The following KCNAB1 variants were observed in gnomAD, a reference collection of about 807,000 sequenced individuals.
KCNAB1 encodes the protein potassium voltage-gated channel subfamily A regulatory beta subunit 1, also known as voltage-gated potassium channel subunit beta-1.
In KCNAB1, 35 loss-of-function variants were observed where a neutral mutation model predicts 64.6. That is an observed-to-expected ratio of 0.54 (90% confidence interval 0.41 to 0.72). KCNAB1 has a LOEUF of 0.72. Ranked by LOEUF, KCNAB1 falls within the 30% of genes least tolerant of loss-of-function variation. The pLI, the probability that KCNAB1 is intolerant of heterozygous loss-of-function variation, is 0.00. For synonymous variants in KCNAB1, 177 were observed against 183.8 expected, an observed-to-expected ratio of 0.96 and a Z score of 0.30; for missense variants, 401 against 512.9, an observed-to-expected ratio of 0.78 and a Z score of 2.11.
intron 1 of KCNAB1, among the ~76,000 whole-genome samples, chr3:156,300,554 G>A (rs923249295): frequency 3.3e-5 from 5 of 152,160 alleles, no homozygotes; most frequent in African/African-American, 9.7e-5. Flanking sequence ...AGCAAGATTG[G>A]CTAATAACAG....
At chr3:156,145,086 G>C (rs888052104) in intron 1 of KCNAB1, among the ~76,000 whole-genome samples, 1 of 152,142 alleles carries the variant, frequency 6.6e-6, no homozygotes. Context: ...GGTTTTGGGC[G>C]ACTCTTCATG....
chr3:156,155,819 C>T (rs1715679628), intron 1 of KCNAB1, among the ~76,000 whole-genome samples: 1 of 152,104 alleles, frequency 6.6e-6, no homozygotes, highest in Admixed American at 6.6e-5. Flanking sequence ...TGCTCATGGT[C>T]GTGGTTTATT....
intron 8 of KCNAB1, among the ~76,000 whole-genome samples, chr3:156,512,674 G>C (rs576058331): frequency 1.3e-5 from 2 of 152,184 alleles, no homozygotes; most frequent in African/African-American, 2.4e-5. Flanking sequence ...TCATAGGCAC[G>C]CATCTCCATT....
intron 2 of KCNAB1, among the ~76,000 whole-genome samples, chr3:156,423,565 G>C (rs1367598548): frequency 6.6e-6 from 1 of 152,174 alleles, no homozygotes; most frequent in Non-Finnish European, 1.5e-5. Flanking sequence ...ATTGACCAGG[G>C]CTAGGCCACA....
intron 1 of KCNAB1, among the ~76,000 whole-genome samples, chr3:156,275,732 T>C (rs1414961514): frequency 6.6e-6 from 1 of 152,250 alleles, no homozygotes; most frequent in Non-Finnish European, 1.5e-5. Flanking sequence ...TCTGTTCATG[T>C]CTGACCATGA....
At chr3:156,169,521 G>C (rs890728096) in intron 1 of KCNAB1, among the ~76,000 whole-genome samples, 1 of 152,164 alleles carries the variant, frequency 6.6e-6, no homozygotes, top group Admixed American at 6.5e-5. Flanking sequence ...GGCTCTCTGG[G>C]TATTTCTATT....
At chr3:156,172,027 G>C (rs548481856) in intron 1 of KCNAB1, among the ~76,000 whole-genome samples, 5 of 152,160 alleles carry the variant, frequency 3.3e-5, no homozygotes, top group Non-Finnish European at 7.3e-5. Context: ...CTGCACACAG[G>C]ACTGGGTTTT....
chr3:156,360,535 C>A (rs1021149098), intron 1 of KCNAB1, among the ~76,000 whole-genome samples: 2 of 151,976 alleles, frequency 1.3e-5, no homozygotes, highest in African/African-American at 4.8e-5. Flanking sequence ...CATGGCAAGA[C>A]CCCCTTCTCT....
intron 1 of KCNAB1, among the ~76,000 whole-genome samples, chr3:156,285,841 C>T (rs1187974653): frequency 6.6e-6 from 1 of 152,212 alleles, no homozygotes; most frequent in East Asian, 1.9e-4. Flanking sequence ...TCCTGTAACA[C>T]TATGGCACCT....
intron 5 of KCNAB1, among the ~76,000 whole-genome samples, chr3:156,462,345 G>A (rs1712980929): frequency 6.6e-6 from 1 of 152,190 alleles, no homozygotes; most frequent in Admixed American, 6.5e-5. Flanking sequence ...TAATCAAAAG[G>A]ACTGCATTCA....
intron 1 of KCNAB1, among the ~76,000 whole-genome samples, chr3:156,370,274 A>T (rs893074085): frequency 6.6e-6 from 1 of 152,208 alleles, no homozygotes; most frequent in African/African-American, 2.4e-5. Context: ...TCAGGGAAGG[A>T]GGTTTATGGG....
chr3:156,305,136 T>C (rs1301004893), intron 1 of KCNAB1, among the ~76,000 whole-genome samples: 2 of 152,150 alleles, frequency 1.3e-5, no homozygotes, highest in East Asian at 3.9e-4. Context: ...GTTTTCATAA[T>C]TGCAAGCGAC....
At chr3:156,360,118 A>AG (rs1479025718) in intron 1 of KCNAB1, among the ~76,000 whole-genome samples, 2 of 152,236 alleles carry the variant, frequency 1.3e-5, no homozygotes, top group African/African-American at 2.4e-5. Context: ...TAACCAGATG[A>AG]GAAAATGTTC....
intron 2 of KCNAB1, 89 bp downstream of exon 2, chr3:156,421,748 C>T: frequency 1.7e-6 from 2 of 1,170,658 alleles, no homozygotes; most frequent in Non-Finnish European, 2.5e-6. Flanking sequence ...AGGCCAGGAC[C>T]TGGTCTCAGA....
chr3:156,522,816 AT>A (rs1718043730), intron 11 of KCNAB1, among the ~76,000 whole-genome samples: 2 of 118,610 alleles, frequency 1.7e-5, no homozygotes, highest in Admixed American at 9.9e-5. Context: ...GAAGATAAAG[AT>A]CTGCGATGGC....
intron 8 of KCNAB1, among the ~76,000 whole-genome samples, chr3:156,502,327 G>A (rs1051793524): frequency 6.6e-6 from 1 of 152,040 alleles, no homozygotes; most frequent in Non-Finnish European, 1.5e-5. Flanking sequence ...CTGGCTATGG[G>A]ATAAATTGAT....
chr3:156,369,392 A>G (rs555852495), intron 1 of KCNAB1, among the ~76,000 whole-genome samples: 1 of 152,368 alleles, frequency 6.6e-6, no homozygotes, highest in East Asian at 1.9e-4. Flanking sequence ...AAATAAAGCC[A>G]TCATGAACAT....
chr3:156,178,972 A>G (rs926784616), intron 1 of KCNAB1, among the ~76,000 whole-genome samples: 6 of 142,930 alleles, frequency 4.2e-5, no homozygotes, highest in Non-Finnish European at 7.5e-5. Context: ...CTGCACTCCA[A>G]CCTGGGAGAC....
At chr3:156,233,249 T>C (rs1419038134) in intron 1 of KCNAB1, among the ~76,000 whole-genome samples, 1 of 152,034 alleles carries the variant, frequency 6.6e-6, no homozygotes, top group East Asian at 1.9e-4. Flanking sequence ...TAGATACTGG[T>C]AAGTGCCAAG....
Sources: allele counts gnomAD v4.1 joint callset (sites outside exome capture counted in the v4.1 genomes callset), GRCh38; gene constraint gnomAD v4.1.1; transcripts MANE v1.5; gene names NCBI Gene and HGNC (gene_info 2026-07-23, HGNC 2026-07-21).